Variants in NVL observed in about 807,000 individuals in gnomAD.
NVL encodes nuclear valosin-containing protein-like.
In NVL, 84 loss-of-function variants were observed where a neutral mutation model predicts 110.2. That is an observed-to-expected ratio of 0.76 (90% CI 0.64 to 0.91). The LOEUF (loss-of-function observed/expected upper bound fraction) is 0.91, where lower values mean the gene tolerates loss of function less well. NVL is among the 40% of genes least tolerant of loss of function. The probability of loss-of-function intolerance (pLI) is 0.00; values close to 1 mark genes in which losing one functional copy is unlikely to be tolerated. For missense variants in NVL, 882 were observed against 1,035.9 expected, an observed-to-expected ratio of 0.85 and a Z score of 2.04; for synonymous variants, 354 against 361.1, an observed-to-expected ratio of 0.98 and a Z score of 0.22.
At chr1:224,323,712 CA>C (rs1670877603) in intron 2 of NVL, among the ~76,000 whole-genome samples, 1 of 152,218 alleles carries the variant, frequency 6.6e-6, no homozygotes, top group African/African-American at 2.4e-5. Flanking sequence ...ACTGCCAACA[CA>C]AACCCAGAGG....
chr1:224,261,400 G>A (rs544434597), intron 18 of NVL, among the ~76,000 whole-genome samples: 2 of 152,164 alleles, frequency 1.3e-5, no homozygotes, highest in Non-Finnish European at 2.9e-5. Flanking sequence ...GAGTAGAAGA[G>A]AAAGTAATAA....
chr1:224,294,505 T>C (rs1210961392), intron 11 of NVL, 94 bp from the exon 12 acceptor site: 1 of 1,286,884 alleles, frequency 7.8e-7, no homozygotes, highest in Non-Finnish European at 1.1e-6. Context: ...GATAAAGTAT[T>C]ACAGATTTTG....
Position 224,289,610 on chromosome 1 carries a change from C to T in NVL, c.1449G>A (p.Met483Ile). ...DLMALCREAA[M>I]CAVNRVLMKL... ...TCATTAAGACTCTATTGACTGCACA[C>T]ATTGCTGCCTCTCGGCACAGTGCCA... is the stretch of plus-strand genomic sequence containing the variant. Residue 483 changes from methionine to isoleucine, a missense_variant, in exon 13 of 23, where the codon ATG (methionine) becomes ATA (isoleucine). This residue lies in a region of NVL where 416 missense variants were observed against 499.3 expected (regional missense o/e 0.83). Coordinates refer to ENST00000281701, the MANE Select transcript of NVL (RefSeq NM_002533.4). 6.2e-7 allele frequency: 1 copy of T among 1,614,254 alleles called. No individual in the cohort carries two copies. The highest frequency in any genetic ancestry group is 8.5e-7 in the Non-Finnish European group (1 of 1,180,052).
chr1:224,253,185 C>CA (rs940415553), intron 18 of NVL, among the ~76,000 whole-genome samples: 85 of 151,708 alleles, frequency 5.6e-4, no homozygotes, highest in Non-Finnish European at 1.6e-4. Flanking sequence ...GCTGAGATTA[C>CA]AAGTGTGCCC....
chr1:224,279,629 C>T (rs2102586015), intron 16 of NVL, among the ~76,000 whole-genome samples: 1 of 152,164 alleles, frequency 6.6e-6, no homozygotes. Flanking sequence ...ATTATCAACT[C>T]GATTAATGAC....
intron 11 of NVL, among the ~76,000 whole-genome samples, chr1:224,294,971 A>G (rs1667735550): frequency 6.6e-6 from 1 of 152,230 alleles, no homozygotes. Context: ...GATAAAATTA[A>G]TTCGAGCAGG....
chr1:224,288,032 A>C (rs1375110015), intron 13 of NVL, 39 bp from the exon 14 acceptor site: 1 of 1,425,868 alleles, frequency 7.0e-7, no homozygotes, highest in Non-Finnish European at 9.8e-7. Context: ...ATAAAGAAAC[A>C]CCACAACAGC....
intron 15 of NVL, among the ~76,000 whole-genome samples, chr1:224,284,679 C>CA (rs1666689778): frequency 1.3e-5 from 2 of 151,412 alleles, no homozygotes; most frequent in Non-Finnish European, 2.9e-5. Flanking sequence ...CATGCCTGGC[C>CA]AAAAAAACAC....
At chr1:224,270,323 G>A (rs560789918) in intron 17 of NVL, among the ~76,000 whole-genome samples, 1 of 152,216 alleles carries the variant, frequency 6.6e-6, no homozygotes, top group South Asian at 2.1e-4. Context: ...TTGGGAGGCC[G>A]AGACATGTGA....
chr1:224,287,635 G>T, intron 14 of NVL, 140 bp downstream of exon 14: 1 of 601,936 alleles, frequency 1.7e-6, no homozygotes, highest in Non-Finnish European at 2.9e-6. Flanking sequence ...CTTGAAAGAA[G>T]TGCTACATTC....
chr1:224,258,978 T>G lies in NVL; in HGVS notation c.2183-8660A>C, dbSNP rs1163098581. Among the ~76,000 whole-genome samples, 4 of 35,454 alleles carry G rather than the reference T, an allele frequency of 1.1e-4. No homozygotes were observed. The Admixed American group carries it at 2.4e-3, about 21-fold the overall frequency. The allele number at this position is 35,454 out of a possible 152,430, so 23.3% of individuals were successfully genotyped here. ...GTTAACATGAGACCCTGTCTCTACA[T>G]TAAAAAAAAAAAAAAAAAAAAAAAA... On this transcript the variant is annotated intron_variant, in intron 18 of 22. Transcript: ENST00000281701.
intron 15 of NVL, among the ~76,000 whole-genome samples, chr1:224,284,216 A>G (rs1016532498): frequency 5.9e-5 from 9 of 152,176 alleles, no homozygotes; most frequent in Non-Finnish European, 1.0e-4. Flanking sequence ...ACATGGTTAC[A>G]GTCAAGATAA....
intron 22 of NVL, 119 bp from the exon 23 acceptor site, chr1:224,227,789 A>G (rs906226514): frequency 4.9e-6 from 4 of 819,664 alleles, no homozygotes; most frequent in Non-Finnish European, 7.7e-6. Context: ...TGTGATTGTA[A>G]CTGGAGAGAG....
At chr1:224,253,373 A>T (rs1400660919) in intron 18 of NVL, among the ~76,000 whole-genome samples, 1 of 151,760 alleles carries the variant, frequency 6.6e-6, no homozygotes, top group Non-Finnish European at 1.5e-5. Flanking sequence ...ATTTCTCTTC[A>T]GTAAATTACC....
chr1:224,326,911 ATCCCAACACTT>A (rs1231958917), intron 1 of NVL, among the ~76,000 whole-genome samples: 1 of 152,134 alleles, frequency 6.6e-6, no homozygotes, highest in Non-Finnish European at 1.5e-5. Flanking sequence ...CATATCTGTA[ATCCCAACACTT>A]TGGGAGCCCA....
At chr1:224,247,550 T>C (rs566916990) in intron 19 of NVL, among the ~76,000 whole-genome samples, 2 of 152,008 alleles carry the variant, frequency 1.3e-5, no homozygotes, top group South Asian at 4.2e-4. Flanking sequence ...ACGCCTGTAA[T>C]CCCAGCTACT....
chr1:224,235,200 C>G (rs1290399304), intron 20 of NVL, among the ~76,000 whole-genome samples: 1 of 152,046 alleles, frequency 6.6e-6, no homozygotes, highest in Non-Finnish European at 1.5e-5. Context: ...TGGAGTGTCG[C>G]TCTGTTGCCC....
chr1:224,232,984 G>A, intron 21 of NVL: 1 of 452,358 alleles, frequency 2.2e-6, no homozygotes, highest in East Asian at 3.6e-5. Context: ...TATAGGGACA[G>A]TACTCTTTAT....
At chr1:224,252,020 T>A (rs1571834596) in intron 18 of NVL, among the ~76,000 whole-genome samples, 2 of 152,170 alleles carry the variant, frequency 1.3e-5, no homozygotes, top group South Asian at 4.1e-4. Flanking sequence ...TGGCAGGAAA[T>A]CCCTTTAGGA....
Sources: allele counts gnomAD v4.1 joint callset (sites outside exome capture counted in the v4.1 genomes callset), GRCh38; gene constraint gnomAD v4.1.1; regional missense constraint gnomAD v4.1.1; transcripts MANE v1.5; gene names NCBI Gene and HGNC (gene_info 2026-07-23, HGNC 2026-07-21).